EBF3: variants seen among roughly 807,000 people sequenced by gnomAD.
EBF3 encodes EBF transcription factor 3.
EBF3 carries 18 observed loss-of-function variants against 77.1 expected under a neutral mutation model. The ratio of observed to expected loss-of-function variants is 0.23; its 90% CI spans 0.16 to 0.35. EBF3 has a LOEUF of 0.35. Among genes scored for constraint, EBF3 ranks in the 10% least tolerant of loss-of-function variants. The pLI is 1.00. For synonymous variants in EBF3, 350 were observed against 343.5 expected (o/e 1.02, Z -0.21); for missense variants, 558 against 860.0 (o/e 0.65, Z 4.39).
In EBF3 at chr10:129,943,852, T is replaced by C. The variant is rs1857976632; in HGVS notation, c.554+13406A>G. Among the ~76,000 whole-genome samples the C allele has an allele frequency of 6.6e-6, 1 of 152,220 alleles. No homozygotes were observed. Among genetic ancestry groups the C allele is most frequent in the Admixed American group, 6.5e-5 (1 of 15,276 alleles). On this transcript the variant is annotated intron_variant, in intron 6 of 16. Coordinates refer to ENST00000440978, the MANE Select transcript of EBF3 (RefSeq NM_001375380.1). This position sits in a 1 kb window ranked among gnomAD's most constrained non-coding sequence, Gnocchi z 8.8. ...GTGCTGAGCTCTCTGGAACCATATG[T>C]TCAGCAACGTTATGGAGGGCGCTGG...
intron 10 of EBF3, among the ~76,000 whole-genome samples, chr10:129,865,592 C>T (rs1851950891): frequency 6.6e-6 from 1 of 152,228 alleles, no homozygotes; most frequent in African/African-American, 2.4e-5. Context: ...GAGTGCTGAG[C>T]TGTCGACTGG....
intron 6 of EBF3, among the ~76,000 whole-genome samples, chr10:129,884,737 C>T (rs144806317): frequency 2.6e-5 from 4 of 152,228 alleles, no homozygotes; most frequent in Non-Finnish European, 5.9e-5. Context: ...GCATGCTCCC[C>T]GAGCACACAC....
intron 15 of EBF3, among the ~76,000 whole-genome samples, chr10:129,839,785 A>G (rs1446694038): frequency 1.3e-5 from 2 of 152,214 alleles, no homozygotes; most frequent in Non-Finnish European, 2.9e-5. Flanking sequence ...CGCCATTCCC[A>G]TGCCAGGGCT....
At chr10:129,953,328 A>G (rs1053282267) in intron 6 of EBF3, among the ~76,000 whole-genome samples, 2 of 152,206 alleles carry the variant, frequency 1.3e-5, no homozygotes, top group Non-Finnish European at 2.9e-5. Context: ...TCAGCTGAAA[A>G]GTATTTTCAG....
chr10:129,843,155 T>G lies in EBF3; in HGVS notation c.1176A>C (p.Gly392=), dbSNP rs1282300996. ...CACCTACCTGGTTGTTGTGAGGCATTCCGTATAAGGCTTCCACCAGGTCCG... is the reference window on the plus strand; with the variant it reads ...CACCTACCTGGTTGTTGTGAGGCATGCCGTATAAGGCTTCCACCAGGTCCG... ...RAADLVEALY[G]MPHNNQEIIL... Residue 392 remains glycine, a synonymous_variant, in exon 12 of 17, where the codon GGA becomes GGC. Coordinates refer to ENST00000440978, the MANE Select transcript of EBF3 (RefSeq NM_001375380.1). The G allele has an allele frequency of 1.9e-6, 3 of 1,613,426 alleles. No individual in the cohort carries two copies. The highest frequency in any genetic ancestry group is 2.5e-6 in the Non-Finnish European group (3 of 1,179,654).
rs1441752952 is a variant in EBF3, at chr10:129,952,597, G to A, written c.554+4661C>T. Among the ~76,000 whole-genome samples the A allele has an allele frequency of 6.6e-6, 1 of 152,132 alleles. No individual in the cohort carries two copies. The highest frequency in any genetic ancestry group is 2.4e-5 in the African/African-American group (1 of 41,424). ...CAGAGTTGGATTTAATCACGCTCGTGCAAAGCCATGAGGGAGGAAGCTTTA... is the reference window on the plus strand; with the variant it reads ...CAGAGTTGGATTTAATCACGCTCGTACAAAGCCATGAGGGAGGAAGCTTTA... On this transcript the variant is annotated intron_variant, in intron 6 of 16. Coordinates refer to ENST00000440978, the MANE Select transcript of EBF3 (RefSeq NM_001375380.1). The surrounding 1 kb of genome is among the most constrained non-coding windows in gnomAD (Gnocchi z 4.7).
intron 7 of EBF3, among the ~76,000 whole-genome samples, chr10:129,875,722 C>T (rs9804200): frequency 0.64 from 97,785 of 152,154 alleles, 31,676 homozygotes; most frequent in Non-Finnish European, 0.69. Flanking sequence ...TCTCAGCACC[C>T]TCCTTTTTTG....
rs1013699179 is a variant in EBF3 at position 129,935,117 on chromosome 10, C to A, written c.554+22141G>T. Among the ~76,000 whole-genome samples the A allele has an allele frequency of 6.6e-6, 1 of 152,164 alleles. No individual in the cohort carries two copies. The highest frequency in any genetic ancestry group is 2.4e-5 in the African/African-American group (1 of 41,434). On this transcript the variant is annotated intron_variant, in intron 6 of 16. Coordinates refer to ENST00000440978, the MANE Select transcript of EBF3 (RefSeq NM_001375380.1). This position sits in a 1 kb window ranked among gnomAD's most constrained non-coding sequence, Gnocchi z 4.2. ...GCTGGTGGTCCGGTTCCCTAAGAAC[C>A]GGACCCTCTAGTGGATCATGATGTG...
At chr10:129,889,964 TTTTTTTTTTTTTG>T (rs1425673577) in intron 6 of EBF3, among the ~76,000 whole-genome samples, 24 of 135,058 alleles carry the variant, frequency 1.8e-4, no homozygotes, top group South Asian at 7.6e-4. Flanking sequence ...TTTTTTTTTT[TTTTTTTTTTTTTG>T]GTTATGAAGA....
chr10:129,842,442 G>T lies in EBF3; in HGVS notation c.1195-149C>A. On this transcript the variant is annotated intron_variant, in intron 12 of 16. Transcript: ENST00000440978. This position sits in a 1 kb window ranked among gnomAD's most constrained non-coding sequence, Gnocchi z 4.4. ...CTTAATGGGCAAAGAGCTTCCCCTA[G>T]AAAATCATTTACTGACGCTTTTGAA... The T allele has an allele frequency of 1.0e-6, 1 of 957,556 alleles. No individual in the cohort carries two copies. The highest frequency in any genetic ancestry group is 1.5e-6 in the Non-Finnish European group (1 of 673,568). 59.3% of individuals were successfully genotyped at this position (957,556 alleles called of 1,614,324 possible). A position where few individuals can be genotyped will look rare whatever the true frequency, so the allele number is the denominator to read the frequency against.
Position 129,963,243 on chromosome 10 carries a change from G to A in EBF3, c.291+124C>T. 7.3e-7 allele frequency: 1 copy of A among 1,368,890 alleles called. No individual in the cohort carries two copies. Among genetic ancestry groups the A allele is most frequent in the Non-Finnish European group, 9.6e-7 (1 of 1,045,808 alleles). 84.8% of individuals were successfully genotyped at this position (1,368,890 alleles called of 1,614,324 possible). A position where few individuals can be genotyped will look rare whatever the true frequency, so the allele number is the denominator to read the frequency against. Reference sequence around the variant, plus strand: ...CGGTCCCGGGCGGCCGCACGTGGCGGCGGCGGGGTGGCCTGGCGGAGCCGA... The same window carrying A: ...CGGTCCCGGGCGGCCGCACGTGGCGACGGCGGGGTGGCCTGGCGGAGCCGA... On this transcript the variant is annotated intron_variant, in intron 2 of 16. Transcript: ENST00000440978. This position sits in a 1 kb window ranked among gnomAD's most constrained non-coding sequence, Gnocchi z 7.1.
At chr10:129,930,218 C>A (rs1261537830) in intron 6 of EBF3, among the ~76,000 whole-genome samples, 1 of 152,180 alleles carries the variant, frequency 6.6e-6, no homozygotes, top group Non-Finnish European at 1.5e-5. Flanking sequence ...TGGCCTGAGC[C>A]GTGATACCAG....
At chr10:129,846,108 T>TTG (rs10530522) in intron 11 of EBF3, among the ~76,000 whole-genome samples, 7,192 of 139,546 alleles carry the variant, frequency 0.052, 203 homozygotes, top group Middle Eastern at 0.083. Context: ...ATTCTGGGCT[T>TTG]TGTGTGTGTG....
chr10:129,861,942 C>T lies in EBF3; in HGVS notation c.1039+5199G>A, dbSNP rs970695942. 6.6e-6 allele frequency among the ~76,000 whole-genome samples: 1 copy of T among 152,176 alleles called. No individual in the cohort carries two copies. Among genetic ancestry groups the T allele is most frequent in the South Asian group, 2.1e-4 (1 of 4,826 alleles). ...CGTGGTCGAAGGGCACAGTCGACTC[C>T]GCAGTGCTGACGGGACCGCCTCTCA... On this transcript the variant is annotated intron_variant, in intron 10 of 16. Transcript: ENST00000440978. The surrounding 1 kb of genome is among the most constrained non-coding windows in gnomAD (Gnocchi z 4.3).
Position 129,963,220 on chromosome 10 carries a change from G to A in EBF3, c.291+147C>T. On this transcript the variant is annotated intron_variant, in intron 2 of 16. Coordinates refer to ENST00000440978, the MANE Select transcript of EBF3 (RefSeq NM_001375380.1). This position sits in a 1 kb window ranked among gnomAD's most constrained non-coding sequence, Gnocchi z 7.1. ...CAGAGAAGTTGCCCAGCCCTCGGCG[G>A]TCCCGGGCGGCCGCACGTGGCGGCG... 1.6e-6 allele frequency: 2 copies of A among 1,255,722 alleles called. No homozygotes were observed. The highest frequency in any genetic ancestry group is 2.1e-6 in the Non-Finnish European group (2 of 954,870). The allele number at this position is 1,255,722 out of a possible 1,614,324, so 77.8% of individuals were successfully genotyped here.
At chr10:129,845,588 T>C (rs958207732) in intron 11 of EBF3, 1 of 152,216 alleles carries the variant, frequency 6.6e-6, no homozygotes, top group Non-Finnish European at 1.5e-5. Context: ...AATGTCATTA[T>C]AAAACTGTAA....
intron 6 of EBF3, among the ~76,000 whole-genome samples, chr10:129,884,189 G>A (rs1309221344): frequency 3.3e-5 from 5 of 152,314 alleles, no homozygotes; most frequent in Non-Finnish European, 5.9e-5. Context: ...GTGCACACCC[G>A]GCCATCAGTC....
At chr10:129,904,203 G>C (rs919620224) in intron 6 of EBF3, among the ~76,000 whole-genome samples, 4 of 152,120 alleles carry the variant, frequency 2.6e-5, no homozygotes, top group Non-Finnish European at 4.4e-5. Flanking sequence ...AAGCCTCCAG[G>C]GTTCCTGCAC....
intron 16 of EBF3, among the ~76,000 whole-genome samples, chr10:129,838,320 C>A (rs540797652): frequency 8.5e-5 from 13 of 152,262 alleles, no homozygotes; most frequent in Non-Finnish European, 1.8e-4. Flanking sequence ...GGCCCGGAGC[C>A]CCCTCTGTCG....
Sources: gnomAD v4.1 joint callset for allele counts (sites outside exome capture counted in the v4.1 genomes callset) on GRCh38, gnomAD v4.1.1 for gene constraint, Gnocchi (gnomAD v3.1) non-coding constraint, MANE v1.5 for transcripts, NCBI Gene and HGNC (gene_info 2026-07-23, HGNC 2026-07-21) for gene names.